ASH1L: variants seen among roughly 807,000 people sequenced by gnomAD.
ASH1L encodes the protein histone-lysine N-methyltransferase ASH1L.
ASH1L carries 23 observed loss-of-function variants against 269.0 expected under a neutral mutation model. The observed-to-expected ratio is 0.09, with a 90% CI of 0.06 to 0.12. The LOEUF (loss-of-function observed/expected upper bound fraction) is 0.12. Among genes scored for constraint, ASH1L ranks in the 10% least tolerant of loss-of-function variants. The probability of loss-of-function intolerance (pLI) is 1.00; values close to 1 mark genes in which losing one functional copy is unlikely to be tolerated. For missense variants in ASH1L, 2,912 were observed against 3,567.8 expected (o/e 0.82, Z 4.68); for synonymous variants, 1,187 against 1,253.5 (o/e 0.95, Z 1.12).
intron 10 of ASH1L, among the ~76,000 whole-genome samples, chr1:155,374,187 G>C (rs1656229645): frequency 6.6e-6 from 1 of 152,072 alleles, no homozygotes; most frequent in African/African-American, 2.4e-5. Context: ...AAATTAGCCA[G>C]GCGTGGTGGC....
intron 21 of ASH1L, among the ~76,000 whole-genome samples, chr1:155,345,256 T>C (rs1041548254): frequency 5.8e-5 from 8 of 137,012 alleles, no homozygotes; most frequent in Admixed American, 1.7e-4. Flanking sequence ...TCTTGGCTCA[T>C]TGCAACCTCT....
intron 4 of ASH1L, among the ~76,000 whole-genome samples, chr1:155,443,294 A>C (rs1420916782): frequency 6.6e-6 from 1 of 152,154 alleles, no homozygotes; most frequent in Non-Finnish European, 1.5e-5. Context: ...TGGGCCATTC[A>C]CCTAGAGCTA....
intron 5 of ASH1L, among the ~76,000 whole-genome samples, chr1:155,429,490 C>T (rs943384368): frequency 6.6e-6 from 1 of 151,846 alleles, no homozygotes; most frequent in East Asian, 1.9e-4. Flanking sequence ...TCTCAAACTC[C>T]TGGGTTCAAG....
intron 1 of ASH1L, among the ~76,000 whole-genome samples, chr1:155,559,551 A>G (rs1356023186): frequency 6.6e-6 from 1 of 151,584 alleles, no homozygotes; most frequent in Non-Finnish European, 1.5e-5. Context: ...AAAAAAAAAA[A>G]GCACAAGATG....
At chr1:155,530,379 T>C (rs1308325878) in intron 1 of ASH1L, among the ~76,000 whole-genome samples, 1 of 152,190 alleles carries the variant, frequency 6.6e-6, no homozygotes, top group Admixed American at 6.5e-5. Flanking sequence ...CAATAAATAT[T>C]TGTAGAATTA....
chr1:155,532,584 A>G (rs946866064), intron 1 of ASH1L, among the ~76,000 whole-genome samples: 2 of 151,984 alleles, frequency 1.3e-5, no homozygotes, highest in African/African-American at 4.8e-5. Flanking sequence ...GCACTTTGGG[A>G]GGCTGAGGCG....
At chr1:155,451,197 CAA>C (rs71080705) in intron 4 of ASH1L, among the ~76,000 whole-genome samples, 38 of 84,136 alleles carry the variant, frequency 4.5e-4, no homozygotes, top group African/African-American at 8.4e-4. Flanking sequence ...AACTCCACCT[CAA>C]AAAAAAAAAA....
intron 27 of ASH1L, 140 bp downstream of exon 27, chr1:155,337,949 C>G: frequency 9.5e-7 from 1 of 1,057,342 alleles, no homozygotes; most frequent in Admixed American, 2.7e-5. Context: ...TACCAAGATA[C>G]AACTAAAAGC....
At chr1:155,416,647 T>C (rs1660234049) in intron 5 of ASH1L, among the ~76,000 whole-genome samples, 1 of 152,110 alleles carries the variant, frequency 6.6e-6, no homozygotes, top group South Asian at 2.1e-4. Flanking sequence ...GCGATTCTCC[T>C]GCCTCAGCCT....
intron 6 of ASH1L, among the ~76,000 whole-genome samples, chr1:155,415,491 A>G (rs1287991127): frequency 6.6e-6 from 1 of 152,162 alleles, no homozygotes; most frequent in Non-Finnish European, 1.5e-5. Flanking sequence ...CATACAACAT[A>G]AGACAGTACA....
chr1:155,550,857 C>A (rs1417799584), intron 1 of ASH1L, among the ~76,000 whole-genome samples: 1 of 152,176 alleles, frequency 6.6e-6, no homozygotes, highest in African/African-American at 2.4e-5. Flanking sequence ...GGGATCTCAT[C>A]TTGTTGCCCA....
chr1:155,498,957 A>G (rs1210710719), intron 2 of ASH1L, among the ~76,000 whole-genome samples: 1 of 151,934 alleles, frequency 6.6e-6, no homozygotes, highest in Non-Finnish European at 1.5e-5. Flanking sequence ...TATTAAAGAA[A>G]ATTAAACATA....
At chr1:155,404,774 C>T (rs994327185) in intron 6 of ASH1L, among the ~76,000 whole-genome samples, 2 of 151,992 alleles carry the variant, frequency 1.3e-5, no homozygotes, top group African/African-American at 2.4e-5. Flanking sequence ...GCATGCCTGT[C>T]ATCCCAGCAC....
At chr1:155,339,445 T>C in intron 25 of ASH1L, 77 bp from the exon 26 acceptor site, 3 of 1,386,688 alleles carry the variant, frequency 2.2e-6, no homozygotes, top group Non-Finnish European at 2.0e-6. Flanking sequence ...CCAGTCAGGA[T>C]AAGGAACACA....
chr1:155,459,790 C>A lies in ASH1L; in HGVS notation c.5086+7G>T, dbSNP rs1175647072. ...CTTGAAAATCTGGTAAAACAAATAG[C>A]ACTAGCCTGTTGAAGAAGTACTCTC... On this transcript the variant is annotated splice_region_variant and intron_variant, in intron 4 of 27. Coordinates refer to ENST00000392403, the MANE Select transcript of ASH1L (RefSeq NM_018489.3). The A allele has an allele frequency of 6.2e-7, 1 of 1,604,680 alleles. No homozygotes were observed. Among genetic ancestry groups the A allele is most frequent in the South Asian group, 1.1e-5 (1 of 90,562 alleles).
At chr1:155,518,496 C>G (rs1204838370) in intron 2 of ASH1L, among the ~76,000 whole-genome samples, 1 of 151,946 alleles carries the variant, frequency 6.6e-6, no homozygotes, top group African/African-American at 2.4e-5. Flanking sequence ...ATCCTATATA[C>G]AGATTATATA....
intron 1 of ASH1L, among the ~76,000 whole-genome samples, chr1:155,558,299 T>C (rs964108552): frequency 2.6e-5 from 4 of 152,074 alleles, no homozygotes; most frequent in Non-Finnish European, 4.4e-5. Flanking sequence ...CAAAACCCTG[T>C]CTTTACTAAA....
intron 1 of ASH1L, among the ~76,000 whole-genome samples, chr1:155,546,769 A>ACT (rs1350546531): frequency 6.6e-6 from 1 of 151,606 alleles, no homozygotes; most frequent in Non-Finnish European, 1.5e-5. Context: ...AAAAAAAAGC[A>ACT]CTCTGGTAAA....
intron 7 of ASH1L, among the ~76,000 whole-genome samples, chr1:155,380,879 G>A (rs1257568480): frequency 6.6e-6 from 1 of 151,246 alleles, no homozygotes; most frequent in Non-Finnish European, 1.5e-5. Context: ...ACCTAAGGTG[G>A]TCCACCTGCT....
Sources: allele counts gnomAD v4.1 joint callset (sites outside exome capture counted in the v4.1 genomes callset), GRCh38; gene constraint gnomAD v4.1.1; transcripts MANE v1.5; gene names NCBI Gene and HGNC (gene_info 2026-07-23, HGNC 2026-07-21).